SLCO3A1: variants seen among roughly 807,000 people sequenced by gnomAD.
The protein encoded by SLCO3A1 is solute carrier organic anion transporter family member 3A1, also known as PGE1 transporter.
A neutral mutation model predicts 63.1 loss-of-function variants in SLCO3A1; 27 were observed. That is an observed-to-expected ratio of 0.43 (90% CI 0.32 to 0.59). The LOEUF is 0.59. SLCO3A1 is among the 20% of genes least tolerant of loss of function. SLCO3A1 has a pLI of 0.09. For missense variants in SLCO3A1, 773 were observed against 945.8 expected, an observed-to-expected ratio of 0.82 and a Z score of 2.40; for synonymous variants, 473 against 409.9, an observed-to-expected ratio of 1.15 and a Z score of -1.86.
chr15:92,110,629 G>A (rs906971656), intron 4 of SLCO3A1, among the ~76,000 whole-genome samples: 1 of 152,124 alleles, frequency 6.6e-6, no homozygotes. Flanking sequence ...TCCTGACCTG[G>A]TGGTACCCCT....
intron 1 of SLCO3A1, among the ~76,000 whole-genome samples, chr15:91,878,085 C>CTTTTT (rs757889262): frequency 4.2e-5 from 5 of 119,850 alleles, no homozygotes; most frequent in Non-Finnish European, 6.7e-5. Context: ...GGATTTAGGC[C>CTTTTT]TTTTTTTTTT....
At position 91,972,071 on chromosome 15, in the gene SLCO3A1, C is replaced by T. The variant is rs577355089; in HGVS notation, c.646+55613C>T. On this transcript the variant is annotated intron_variant, in intron 2 of 9. Coordinates refer to ENST00000318445, the MANE Select transcript of SLCO3A1 (RefSeq NM_013272.4). ...ATTTTGGATTTTTGGATGAGGGATGCTCAACCTATATCTTGGATAATGAGA... is the reference window on the plus strand; with the variant it reads ...ATTTTGGATTTTTGGATGAGGGATGTTCAACCTATATCTTGGATAATGAGA... 1.7e-3 allele frequency among the ~76,000 whole-genome samples: 264 copies of T among 152,186 alleles called. 3 individuals carry two copies. The highest frequency in any genetic ancestry group is 6.1e-3 in the African/African-American group (254 of 41,504).
intron 2 of SLCO3A1, among the ~76,000 whole-genome samples, chr15:91,931,802 C>G (rs530976326): frequency 2.3e-4 from 32 of 139,866 alleles, no homozygotes; most frequent in African/African-American, 9.2e-4. Flanking sequence ...CACACACACG[C>G]ACACACACAC....
intron 3 of SLCO3A1, among the ~76,000 whole-genome samples, chr15:92,101,266 T>A (rs1050178255): frequency 6.6e-6 from 1 of 152,168 alleles, no homozygotes; most frequent in South Asian, 2.1e-4. Context: ...CTCAGCACTT[T>A]GGGAGGCCAA....
intron 4 of SLCO3A1, among the ~76,000 whole-genome samples, chr15:92,111,758 T>A (rs1003561605): frequency 2.6e-5 from 4 of 152,186 alleles, no homozygotes; most frequent in African/African-American, 9.7e-5. Context: ...TTGTTGATAT[T>A]CCTGGAGTGC....
At chr15:91,857,069 TGA>T (rs71156615) in intron 1 of SLCO3A1, among the ~76,000 whole-genome samples, 1,707 of 107,430 alleles carry the variant, frequency 0.016, 24 homozygotes, top group Middle Eastern at 0.055. Flanking sequence ...TGTGTGTGTG[TGA>T]GAGAGAGAGA....
At chr15:91,891,101 A>G (rs74028353) in intron 1 of SLCO3A1, among the ~76,000 whole-genome samples, 4,742 of 151,840 alleles carry the variant, frequency 0.031, 251 homozygotes, top group African/African-American at 0.11. Context: ...AGCCAGCTCA[A>G]AGAAGCTTTT....
intron 1 of SLCO3A1, among the ~76,000 whole-genome samples, chr15:91,880,605 T>C (rs1897556836): frequency 6.6e-6 from 1 of 151,934 alleles, no homozygotes; most frequent in Non-Finnish European, 1.5e-5. Context: ...AATGGCATCA[T>C]ACAGCATGCA....
chr15:92,124,785 C>G (rs147028144), intron 5 of SLCO3A1, among the ~76,000 whole-genome samples: 14 of 152,258 alleles, frequency 9.2e-5, no homozygotes, highest in African/African-American at 3.4e-4. Context: ...GGAAACCTGT[C>G]TGAAGAGAGT....
intron 1 of SLCO3A1, among the ~76,000 whole-genome samples, chr15:91,891,959 T>C (rs1370557832): frequency 6.6e-6 from 1 of 152,204 alleles, no homozygotes; most frequent in Non-Finnish European, 1.5e-5. Context: ...AGACAGGTGG[T>C]GAATGGGATT....
At chr15:92,169,044 G>C (rs372831743), downstream of SLCO3A1, among the ~76,000 whole-genome samples, 3 of 152,146 alleles carry the variant, frequency 2.0e-5, no homozygotes, top group Non-Finnish European at 4.4e-5. Flanking sequence ...GATATGCCAG[G>C]TAAAATACTT....
In SLCO3A1 at chr15:91,856,414, A is replaced by G. The variant is rs534141339; in HGVS notation, c.180+2326A>G. 3.3e-5 allele frequency among the ~76,000 whole-genome samples: 5 copies of G among 152,274 alleles called. No homozygotes were observed. The highest frequency in any genetic ancestry group is 7.4e-5 in the Non-Finnish European group (5 of 68,022). ...CATGAAAATAAATAGTTGGCTTGTCAGGGTTGACTGACGCAGCTTGCTATG... is the reference window on the plus strand; with the variant it reads ...CATGAAAATAAATAGTTGGCTTGTCGGGGTTGACTGACGCAGCTTGCTATG... On this transcript the variant is annotated intron_variant, in intron 1 of 9. Coordinates refer to ENST00000318445, the MANE Select transcript of SLCO3A1 (RefSeq NM_013272.4). This position sits in a 1 kb window ranked among gnomAD's most constrained non-coding sequence, Gnocchi z 4.9.
chr15:92,064,351 A>G (rs2151509092), intron 2 of SLCO3A1, among the ~76,000 whole-genome samples: 1 of 152,352 alleles, frequency 6.6e-6, no homozygotes, highest in Middle Eastern at 3.4e-3. Context: ...ATCCTTTGTC[A>G]GATGAACAGT....
intron 7 of SLCO3A1, among the ~76,000 whole-genome samples, chr15:92,137,884 A>G (rs1342598256): frequency 1.7e-5 from 2 of 117,294 alleles, no homozygotes; most frequent in African/African-American, 4.3e-5. Context: ...GCCCTTTGTC[A>G]GATGAGTAGG....
chr15:91,971,554 G>C (rs1446574650), intron 2 of SLCO3A1, among the ~76,000 whole-genome samples: 1 of 151,948 alleles, frequency 6.6e-6, no homozygotes, highest in Non-Finnish European at 1.5e-5. Context: ...GTGCTGAAGA[G>C]CTGTCTAGTG....
At chr15:92,167,058 G>A (rs180908298), downstream of SLCO3A1, among the ~76,000 whole-genome samples, 1,410 of 152,338 alleles carry the variant, frequency 9.3e-3, 20 homozygotes, top group African/African-American at 0.031. Context: ...GCAGTTGGAC[G>A]GAGTTACGCT....
At chr15:92,115,428 T>A (rs549237809) in intron 4 of SLCO3A1, among the ~76,000 whole-genome samples, 44 of 152,286 alleles carry the variant, frequency 2.9e-4, no homozygotes, top group Non-Finnish European at 6.2e-4. Flanking sequence ...TGAGGAACAC[T>A]ACACATGACA....
intron 2 of SLCO3A1, among the ~76,000 whole-genome samples, chr15:92,077,578 G>T (rs1003435490): frequency 2.0e-5 from 3 of 152,144 alleles, no homozygotes; most frequent in Non-Finnish European, 2.9e-5. Context: ...AGCCTTTGCC[G>T]CCATTTCCAC....
chr15:92,006,239 A>G (rs1446851003), intron 2 of SLCO3A1, among the ~76,000 whole-genome samples: 2 of 152,166 alleles, frequency 1.3e-5, no homozygotes, highest in Non-Finnish European at 2.9e-5. Flanking sequence ...CACTTCGAGA[A>G]AGAGCAGGGC....
Sources: gnomAD v4.1 joint callset for allele counts (sites outside exome capture counted in the v4.1 genomes callset) on GRCh38, gnomAD v4.1.1 for gene constraint, Gnocchi (gnomAD v3.1) non-coding constraint, MANE v1.5 for transcripts, NCBI Gene and HGNC (gene_info 2026-07-23, HGNC 2026-07-21) for gene names.